The following SLIT1 variants were observed in gnomAD, a reference collection of about 807,000 sequenced individuals.
SLIT1 encodes the protein slit guidance ligand 1, also known as slit homolog 1 protein.
In SLIT1, 66 loss-of-function variants were observed where a neutral mutation model predicts 186.1. The observed-to-expected ratio is 0.35, with a 90% CI of 0.29 to 0.44. The LOEUF is 0.44. SLIT1 is among the 20% of genes least tolerant of loss of function. The probability of loss-of-function intolerance (pLI) is 1.00; values close to 1 mark genes in which losing one functional copy is unlikely to be tolerated. For missense variants in SLIT1, 1,638 were observed against 2,037.4 expected, an observed-to-expected ratio of 0.80 and a Z score of 3.77; for synonymous variants, 761 against 833.8, an observed-to-expected ratio of 0.91 and a Z score of 1.50.
At chr10:97,037,070 G>A (rs1848646208) in intron 22 of SLIT1, among the ~76,000 whole-genome samples, 2 of 149,304 alleles carry the variant, frequency 1.3e-5, no homozygotes, top group African/African-American at 5.0e-5. Context: ...GTGTGTGTGT[G>A]TGTGTGTGTG....
At chr10:97,183,540 C>G (rs1386843607) in intron 1 of SLIT1, among the ~76,000 whole-genome samples, 2 of 152,166 alleles carry the variant, frequency 1.3e-5, no homozygotes, top group African/African-American at 4.8e-5. Context: ...GGTCACACAG[C>G]TAATAGGTGA....
intron 25 of SLIT1, among the ~76,000 whole-genome samples, chr10:97,023,173 T>G (rs1305163951): frequency 6.6e-6 from 1 of 151,632 alleles, no homozygotes; most frequent in Non-Finnish European, 1.5e-5. Context: ...TACCTTAGCC[T>G]CCTGAGTAGC....
At chr10:97,029,222 T>C (rs1848570841) in intron 25 of SLIT1, among the ~76,000 whole-genome samples, 1 of 152,248 alleles carries the variant, frequency 6.6e-6, no homozygotes, top group Non-Finnish European at 1.5e-5. Context: ...TGATTTAACA[T>C]GCTTTCTGAA....
rs547383528 is a variant in SLIT1, at chr10:97,001,177, C to T, written c.4540G>A (p.Asp1514Asn). The T allele has an allele frequency of 6.5e-5, 105 of 1,613,302 alleles. 3 individuals carry two copies. The highest frequency in any genetic ancestry group is 3.5e-4 in the South Asian group (32 of 91,088). ...ACCTCCTCGGCAAAAGAGGTCCCAT[C>T]GCTGCACTCAAAGGTGAACTTCCTC... ...KRRKFTFECS[D>N]GTSFAEEVEK... Residue 1514 changes from aspartate (D) to asparagine (N), a missense_variant, in exon 37 of 37, where the codon GAT becomes AAT. Physicochemically the swap from Asp to Asn is conservative, Grantham distance 23. Around this residue, in one of 3 missense-constraint regions of SLIT1, gnomAD observed 220 missense variants for 211.3 expected, o/e 1.04. Transcript: ENST00000266058.
At chr10:97,062,193 G>A (rs557282310) in intron 8 of SLIT1, among the ~76,000 whole-genome samples, 10 of 152,140 alleles carry the variant, frequency 6.6e-5, no homozygotes, top group South Asian at 6.2e-4. Context: ...ACAGGTTTTC[G>A]CACACAGGCA....
chr10:97,159,901 C>A (rs1341480657), intron 3 of SLIT1, among the ~76,000 whole-genome samples: 1 of 152,158 alleles, frequency 6.6e-6, no homozygotes, highest in Non-Finnish European at 1.5e-5. Context: ...TTCATAGGTG[C>A]CCAAGATAGG....
chr10:97,144,785 G>A (rs1005775336), intron 4 of SLIT1, among the ~76,000 whole-genome samples: 2 of 152,174 alleles, frequency 1.3e-5, no homozygotes, highest in African/African-American at 2.4e-5. Context: ...CAAGCAATGC[G>A]GCAGGACAGG....
intron 31 of SLIT1, among the ~76,000 whole-genome samples, chr10:97,009,055 T>G (rs1257741813): frequency 1.3e-5 from 2 of 151,966 alleles, no homozygotes; most frequent in African/African-American, 4.8e-5. Flanking sequence ...AATTTTTGTA[T>G]TTTAATAGAG....
intron 4 of SLIT1, among the ~76,000 whole-genome samples, chr10:97,136,444 T>C (rs911825577): frequency 2.6e-5 from 4 of 152,230 alleles, no homozygotes; most frequent in Non-Finnish European, 5.9e-5. Context: ...TGTGTCCATA[T>C]GCTATTATAA....
intron 4 of SLIT1, among the ~76,000 whole-genome samples, chr10:97,105,288 C>T (rs1329748889): frequency 6.6e-6 from 1 of 152,204 alleles, no homozygotes; most frequent in African/African-American, 2.4e-5. Context: ...AAGATAAAAA[C>T]AGGTCATGAT....
chr10:97,060,677 C>T lies in SLIT1; in HGVS notation c.904G>A (p.Ala302Thr). The change falls in exon 9 of 37, where the codon GCC becomes ACC. Residue 302 changes from alanine to threonine, a missense_variant. By Grantham distance (58) the Ala-to-Thr change is moderately conservative. Transcript: ENST00000266058. ...IVDCRGKGLT[A>T]IPANLPETMT... Reference sequence around the variant, plus strand: ...GTCTCGGGCAGGTTGGCCGGGATGGCAGTGAGGCCTTTTCCACGACAGTCC... The same window carrying T: ...GTCTCGGGCAGGTTGGCCGGGATGGTAGTGAGGCCTTTTCCACGACAGTCC... The T allele has an allele frequency of 6.2e-7, 1 of 1,613,512 alleles. No homozygotes were observed. The highest frequency in any genetic ancestry group is 1.1e-5 in the South Asian group (1 of 91,048).
intron 4 of SLIT1, among the ~76,000 whole-genome samples, chr10:97,081,951 T>C (rs1195514572): frequency 6.6e-6 from 1 of 152,234 alleles, no homozygotes; most frequent in Non-Finnish European, 1.5e-5. Context: ...TACTCAGCTC[T>C]TCTTTCTCCA....
At chr10:97,161,399 T>C (rs769428031) in intron 3 of SLIT1, among the ~76,000 whole-genome samples, 8 of 152,248 alleles carry the variant, frequency 5.3e-5, no homozygotes, top group Non-Finnish European at 8.8e-5. Flanking sequence ...AAAGAAAGAT[T>C]GCCTTGCTTT....
chr10:97,170,555 C>T (rs893737929), intron 1 of SLIT1, among the ~76,000 whole-genome samples: 1 of 152,148 alleles, frequency 6.6e-6, no homozygotes, highest in Non-Finnish European at 1.5e-5. Flanking sequence ...CCCTGCAGGA[C>T]CCAGGAAGCT....
intron 4 of SLIT1, among the ~76,000 whole-genome samples, chr10:97,074,824 A>G (rs1849031277): frequency 6.6e-6 from 1 of 152,182 alleles, no homozygotes; most frequent in African/African-American, 2.4e-5. Flanking sequence ...CACTCTGCCA[A>G]TCCCCCCATC....
chr10:97,026,196 G>A (rs1848543867), intron 25 of SLIT1, among the ~76,000 whole-genome samples: 1 of 152,176 alleles, frequency 6.6e-6, no homozygotes, highest in African/African-American at 2.4e-5. Context: ...GGGCACGGTG[G>A]CTTATGCCTG....
chr10:97,044,902 G>C (rs1410691972), intron 18 of SLIT1, among the ~76,000 whole-genome samples: 1 of 152,216 alleles, frequency 6.6e-6, no homozygotes, highest in African/African-American at 2.4e-5. Flanking sequence ...AGTGTGATGG[G>C]ATCAGGATGG....
chr10:97,054,646 A>T (rs1848821320), intron 13 of SLIT1, among the ~76,000 whole-genome samples: 1 of 152,150 alleles, frequency 6.6e-6, no homozygotes, highest in Admixed American at 6.5e-5. Context: ...ATCAATCAAA[A>T]CTGAACCTGA....
intron 4 of SLIT1, among the ~76,000 whole-genome samples, chr10:97,145,232 C>A (rs1436666611): frequency 6.6e-6 from 1 of 152,278 alleles, no homozygotes; most frequent in East Asian, 1.9e-4. Context: ...ATTCTCCCGC[C>A]TCAGCCTCCC....
Sources: allele counts gnomAD v4.1 joint callset (sites outside exome capture counted in the v4.1 genomes callset), GRCh38; gene constraint gnomAD v4.1.1; regional missense constraint gnomAD v4.1.1; transcripts MANE v1.5; gene names NCBI Gene and HGNC (gene_info 2026-07-23, HGNC 2026-07-21).